RSPH9: variants seen among roughly 807,000 people sequenced by gnomAD.
RSPH9 encodes radial spoke head component 9, also known as radial spoke head protein 9 homolog.
RSPH9 carries 27 observed loss-of-function variants against 27.0 expected under a neutral mutation model. That is an observed-to-expected ratio of 1.00 (90% CI 0.74 to 1.38). The LOEUF (loss-of-function observed/expected upper bound fraction) is 1.38, where lower values mean the gene tolerates loss of function less well. RSPH9 is among the 40% of genes most tolerant of loss of function. The probability of loss-of-function intolerance (pLI) is 0.00; values close to 1 mark genes in which losing one functional copy is unlikely to be tolerated. For missense variants in RSPH9, 347 were observed against 357.4 expected (o/e 0.97, Z 0.24); for synonymous variants, 145 against 147.7 (o/e 0.98, Z 0.13).
chr6:43,668,316 C>T (rs1270572224), intron 4 of RSPH9, among the ~76,000 whole-genome samples: 4 of 152,002 alleles, frequency 2.6e-5, no homozygotes, highest in Non-Finnish European at 5.9e-5. Flanking sequence ...GTTTCCCGGG[C>T]GACCAGCTGA....
intron 4 of RSPH9, among the ~76,000 whole-genome samples, chr6:43,663,875 C>A (rs149234548): frequency 6.6e-6 from 1 of 151,630 alleles, no homozygotes; most frequent in Non-Finnish European, 1.5e-5. Context: ...ACTAAAAATA[C>A]AAAAATTAGC....
At chr6:43,658,425 G>T (rs919974039) in intron 4 of RSPH9, among the ~76,000 whole-genome samples, 7 of 151,894 alleles carry the variant, frequency 4.6e-5, no homozygotes, top group Non-Finnish European at 7.4e-5. Context: ...GAAAAGTTGT[G>T]TTTGTACTAT....
At chr6:43,656,509 T>G in intron 3 of RSPH9, 68 bp from the exon 4 acceptor site, 11 of 1,575,032 alleles carry the variant, frequency 7.0e-6, no homozygotes, top group Non-Finnish European at 9.6e-6. Context: ...GTGGTCCCAG[T>G]GCAGACAGAA....
In RSPH9 at chr6:43,664,680, G is replaced by A. The variant is rs1003559613; in HGVS notation, c.671-6109G>A. Among the ~76,000 whole-genome samples, 7 of 152,238 alleles carry A rather than the reference G, an allele frequency of 4.6e-5. No individual in the cohort carries two copies. In the South Asian group the frequency reaches 1.2e-3, roughly 27 times the overall value. On this transcript the variant is annotated intron_variant, in intron 4 of 4. Coordinates refer to ENST00000372163, the MANE Select transcript of RSPH9 (RefSeq NM_152732.5). ...GGGCTTCCATCATACAGGAACATCT[G>A]AGTCAAGCTACTCTGAGCAGGGCCA...
intron 4 of RSPH9, among the ~76,000 whole-genome samples, chr6:43,667,839 ATC>A (rs1413317586): frequency 6.6e-6 from 1 of 151,964 alleles, no homozygotes; most frequent in Non-Finnish European, 1.5e-5. Context: ...GGTTTGAGCC[ATC>A]TGTTGCCCCT....
At position 43,671,197 on chromosome 6, in the gene RSPH9, G is replaced by T. The variant is rs1360497584; in HGVS notation, c.*248G>T. 3 of 588,760 alleles carry T rather than the reference G, an allele frequency of 5.1e-6. No individual in the cohort carries two copies. The African/African-American group carries it at 5.6e-5, about 11-fold the overall frequency. 36.5% of individuals were successfully genotyped at this position (588,760 alleles called of 1,614,324 possible). On this transcript the variant is annotated 3_prime_UTR_variant, in exon 5 of 5. Coordinates refer to ENST00000372163, the MANE Select transcript of RSPH9 (RefSeq NM_152732.5). Reference sequence around the variant, plus strand: ...GCTGTGGGAGAAGGTGACAACCAGGGCCCCTTTGAGGAACGCAGTTTCTTG... The same window carrying T: ...GCTGTGGGAGAAGGTGACAACCAGGTCCCCTTTGAGGAACGCAGTTTCTTG...
Position 43,671,068 on chromosome 6 carries a change from A to T in RSPH9, c.*119A>T. On this transcript the variant is annotated 3_prime_UTR_variant, in exon 5 of 5. Coordinates refer to ENST00000372163, the MANE Select transcript of RSPH9 (RefSeq NM_152732.5). ...TAACTCCACCTCCGTCTGGTTCCAG[A>T]TTCTGAAAGGCCCACTGAGCCAGGG... is the stretch of plus-strand genomic sequence containing the variant. 2.3e-6 allele frequency: 3 copies of T among 1,296,456 alleles called. No homozygotes were observed. Among genetic ancestry groups the T allele is most frequent in the Non-Finnish European group, 3.3e-6 (3 of 918,084 alleles). The allele number at this position is 1,296,456 out of a possible 1,614,324, so 80.3% of individuals were successfully genotyped here.
chr6:43,658,295 AAAAAAAAAAAAAAAAG>A (rs1372371687), intron 4 of RSPH9, among the ~76,000 whole-genome samples: 3 of 139,830 alleles, frequency 2.1e-5, no homozygotes, highest in African/African-American at 9.3e-5. Context: ...CCGTCTCAAA[AAAAAAAAAAAAAAAAG>A]AAAAAAAAAA....
intron 4 of RSPH9, among the ~76,000 whole-genome samples, chr6:43,664,873 C>T (rs947163320): frequency 1.4e-4 from 22 of 152,322 alleles, no homozygotes; most frequent in Middle Eastern, 3.4e-3. Flanking sequence ...GTACGTCCCT[C>T]GTTGACAAAG....
At chr6:43,650,608 T>C in intron 2 of RSPH9, 68 bp downstream of exon 2, 1 of 1,575,186 alleles carries the variant, frequency 6.3e-7, no homozygotes, top group Non-Finnish European at 8.7e-7. Context: ...CCCAGCCTAA[T>C]AGAAATTATG....
chr6:43,664,944 A>G (rs1773002986), intron 4 of RSPH9, among the ~76,000 whole-genome samples: 2 of 152,198 alleles, frequency 1.3e-5, no homozygotes, highest in Admixed American at 6.5e-5. Context: ...GTGGGCCTAC[A>G]GAAGTCCTCT....
Position 43,656,629 on chromosome 6 carries a change from G to A in RSPH9, c.576G>A (p.Glu192=). ...TCAGCTCCTACTTCCATTTCAGGGA[G>A]CCTGTTGAGCTAAAGAATAAGACCT... ...KKLSSYFHFR[E]PVELKNKTLL... The change falls in exon 4 of 5, where the codon GAG becomes GAA. Residue 192 remains glutamate, a synonymous_variant. Coordinates refer to ENST00000372163, the MANE Select transcript of RSPH9 (RefSeq NM_152732.5). 6.2e-7 allele frequency: 1 copy of A among 1,614,152 alleles called. No homozygotes were observed. The highest frequency in any genetic ancestry group is 8.5e-7 in the Non-Finnish European group (1 of 1,179,998).
chr6:43,657,245 C>T (rs1034434235), intron 4 of RSPH9, among the ~76,000 whole-genome samples: 1 of 152,182 alleles, frequency 6.6e-6, no homozygotes, highest in Non-Finnish European at 1.5e-5. Context: ...AGACTCAGCG[C>T]CCCACTTCTT....
At chr6:43,669,891 G>A (rs933290024) in intron 4 of RSPH9, among the ~76,000 whole-genome samples, 1 of 152,196 alleles carries the variant, frequency 6.6e-6, no homozygotes, top group African/African-American at 2.4e-5. Flanking sequence ...CTAGGACAAA[G>A]GCTCATTAGG....
At chr6:43,664,641 A>G (rs1772965176) in intron 4 of RSPH9, among the ~76,000 whole-genome samples, 1 of 152,230 alleles carries the variant, frequency 6.6e-6, no homozygotes, top group Non-Finnish European at 1.5e-5. Flanking sequence ...GCTGCCACCA[A>G]GGAGTGGCCA....
intron 4 of RSPH9, 75 bp downstream of exon 4, chr6:43,656,798 C>T (rs1370256089): frequency 1.3e-6 from 2 of 1,537,910 alleles, no homozygotes; most frequent in Non-Finnish European, 1.8e-6. Context: ...CTGCCATTTT[C>T]CTCTGAGACT....
At chr6:43,650,203 C>T (rs191306337) in intron 1 of RSPH9, among the ~76,000 whole-genome samples, 172 bp from the exon 2 acceptor site, 261 of 152,276 alleles carry the variant, frequency 1.7e-3, no homozygotes, top group African/African-American at 6.1e-3. Flanking sequence ...TGTGAGTCAC[C>T]GTGCCCAGTC....
intron 4 of RSPH9, among the ~76,000 whole-genome samples, chr6:43,659,893 T>C (rs937854552): frequency 2.6e-5 from 4 of 151,636 alleles, no homozygotes; most frequent in African/African-American, 9.7e-5. Flanking sequence ...CCACCATGCC[T>C]GGCTAATTTT....
At chr6:43,658,291 CAAAAAAAAAAAAAAAAAAA>C (rs964226587) in intron 4 of RSPH9, among the ~76,000 whole-genome samples, 24 of 24,858 alleles carry the variant, frequency 9.7e-4, no homozygotes, top group East Asian at 6.5e-3. Context: ...AACTCCGTCT[CAAAAAAAAAAAAAAAAAAA>C]GAAAAAAAAA....
Sources: allele counts gnomAD v4.1 joint callset (sites outside exome capture counted in the v4.1 genomes callset), GRCh38; gene constraint gnomAD v4.1.1; transcripts MANE v1.5; gene names NCBI Gene and HGNC (gene_info 2026-07-23, HGNC 2026-07-21).